The following C1orf21 variants were observed in gnomAD, a reference collection of about 807,000 sequenced individuals.
C1orf21 encodes uncharacterized protein C1orf21.
In C1orf21, 3 loss-of-function variants were observed where a neutral mutation model predicts 18.7. The observed-to-expected ratio is 0.16, with a 90% confidence interval of 0.07 to 0.42. The LOEUF (loss-of-function observed/expected upper bound fraction) is 0.42, where lower values mean the gene tolerates loss of function less well. C1orf21 is among the 10% of genes least tolerant of loss of function. C1orf21 has a pLI of 0.99. For missense variants in C1orf21, 104 were observed against 143.6 expected, an observed-to-expected ratio of 0.72 and a Z score of 1.41; for synonymous variants, 41 against 46.4, an observed-to-expected ratio of 0.88 and a Z score of 0.47.
At chr1:184,474,147 T>C (rs1657535872) in intron 1 of C1orf21, among the ~76,000 whole-genome samples, 1 of 152,216 alleles carries the variant, frequency 6.6e-6, no homozygotes, top group South Asian at 2.1e-4. Context: ...ATATTCCTGA[T>C]GAGGTCCTGA....
chr1:184,485,549 G>A (rs1657720942), intron 2 of C1orf21, among the ~76,000 whole-genome samples: 1 of 152,148 alleles, frequency 6.6e-6, no homozygotes, highest in African/African-American at 2.4e-5. Flanking sequence ...TAAGAGAAAA[G>A]GAGTTTGATG....
At position 184,472,657 on chromosome 1, in the gene C1orf21, A is replaced by AT. The variant is rs529468466; in HGVS notation, c.-124-4721dup. ...TCCTTCCCAATTTTATAAAAGTAGG[A>AT]TTTTTTTTAATGAAACCTTGTTTCT... On this transcript the variant is annotated intron_variant, in intron 1 of 5. Transcript: ENST00000235307. Among the ~76,000 whole-genome samples the AT allele has an allele frequency of 4.3e-4, 65 of 152,050 alleles. 1 individual carries two copies. In the South Asian group the frequency reaches 5.6e-3, roughly 13 times the overall value.
intron 2 of C1orf21, among the ~76,000 whole-genome samples, chr1:184,480,967 A>G (rs193096930): frequency 2.6e-5 from 4 of 152,118 alleles, no homozygotes; most frequent in Admixed American, 2.0e-4. Flanking sequence ...TTAGGTTGCA[A>G]ATTGACTGTT....
At chr1:184,459,199 A>G (rs1040609191) in intron 1 of C1orf21, among the ~76,000 whole-genome samples, 1 of 152,250 alleles carries the variant, frequency 6.6e-6, no homozygotes, top group Non-Finnish European at 1.5e-5. Context: ...AGTGGTCTAT[A>G]GAATAATTTA....
At chr1:184,470,874 T>C (rs1422082301) in intron 1 of C1orf21, among the ~76,000 whole-genome samples, 1 of 147,300 alleles carries the variant, frequency 6.8e-6, no homozygotes, top group Non-Finnish European at 1.5e-5. Context: ...GTAAGACTCT[T>C]TCTCAAAAAA....
chr1:184,496,481 T>G (rs1557986761), intron 2 of C1orf21, among the ~76,000 whole-genome samples: 3 of 152,220 alleles, frequency 2.0e-5, no homozygotes, highest in Non-Finnish European at 4.4e-5. Flanking sequence ...GTGGGAGCGG[T>G]GGAGAGTCAC....
intron 3 of C1orf21, among the ~76,000 whole-genome samples, chr1:184,564,099 A>G (rs2101987186): frequency 6.6e-6 from 1 of 152,344 alleles, no homozygotes; most frequent in South Asian, 2.1e-4. Context: ...GCGCTCTGAC[A>G]TTGGAGATAC....
chr1:184,520,987 G>A (rs1411855822), intron 3 of C1orf21, among the ~76,000 whole-genome samples: 3 of 152,160 alleles, frequency 2.0e-5, no homozygotes, highest in African/African-American at 2.4e-5. Flanking sequence ...TCCGCCTCCC[G>A]GGTTCAAATG....
intron 3 of C1orf21, among the ~76,000 whole-genome samples, chr1:184,530,401 G>T (rs1349030181): frequency 6.6e-6 from 1 of 152,084 alleles, no homozygotes; most frequent in Non-Finnish European, 1.5e-5. Flanking sequence ...TAGCTTTGAT[G>T]ATGACAATGA....
In C1orf21 at chr1:184,438,670, T is replaced by G. The variant is rs1203452521; in HGVS notation, c.-124-38716T>G. 2.0e-5 allele frequency among the ~76,000 whole-genome samples: 3 copies of G among 152,192 alleles called. No individual in the cohort carries two copies. In the East Asian group the frequency reaches 5.8e-4, roughly 29 times the overall value. On this transcript the variant is annotated intron_variant, in intron 1 of 5. Transcript: ENST00000235307. ...CTGAAAATCCATCGGCAGGTAGCTC[T>G]GCTGATAGATCGCCTTCCTCACTAG...
At chr1:184,562,218 A>G (rs1485527867) in intron 3 of C1orf21, among the ~76,000 whole-genome samples, 1 of 152,214 alleles carries the variant, frequency 6.6e-6, no homozygotes, top group Non-Finnish European at 1.5e-5. Context: ...AGATCTTCTA[A>G]TCATAAGCAA....
intron 3 of C1orf21, among the ~76,000 whole-genome samples, chr1:184,589,643 A>G (rs1659410008): frequency 1.3e-5 from 2 of 152,360 alleles, no homozygotes; most frequent in East Asian, 3.9e-4. Flanking sequence ...GAAACTTATG[A>G]TTGTTTCTTT....
At chr1:184,506,224 G>T (rs1335694895) in intron 2 of C1orf21, among the ~76,000 whole-genome samples, 3 of 152,100 alleles carry the variant, frequency 2.0e-5, no homozygotes, top group Non-Finnish European at 4.4e-5. Context: ...AAAACAGTTG[G>T]CTTAGTGAAC....
chr1:184,519,617 T>C (rs1419176866), intron 3 of C1orf21, among the ~76,000 whole-genome samples: 1 of 152,140 alleles, frequency 6.6e-6, no homozygotes, highest in African/African-American at 2.4e-5. Flanking sequence ...AATAACACAG[T>C]GGTGTTACTT....
chr1:184,561,745 G>A (rs1251314601), intron 3 of C1orf21, among the ~76,000 whole-genome samples: 1 of 152,090 alleles, frequency 6.6e-6, no homozygotes, highest in African/African-American at 2.4e-5. Flanking sequence ...AGCCTCCCAA[G>A]TAGGCGGGAT....
chr1:184,534,198 C>G (rs1658512579), intron 3 of C1orf21, among the ~76,000 whole-genome samples: 1 of 152,164 alleles, frequency 6.6e-6, no homozygotes, highest in Non-Finnish European at 1.5e-5. Context: ...GCCTCACACA[C>G]TGTGAGGTCG....
intron 1 of C1orf21, among the ~76,000 whole-genome samples, chr1:184,415,778 G>A (rs1463770370): frequency 3.9e-5 from 6 of 152,142 alleles, no homozygotes; most frequent in Non-Finnish European, 8.8e-5. Context: ...TGACTTGAAT[G>A]TGCAAATCGA....
chr1:184,601,861 A>T (rs1026006037), intron 5 of C1orf21, among the ~76,000 whole-genome samples: 24 of 152,046 alleles, frequency 1.6e-4, no homozygotes, highest in Non-Finnish European at 3.2e-4. Context: ...AGATCCTGCC[A>T]CTGCACTCCA....
intron 1 of C1orf21, among the ~76,000 whole-genome samples, chr1:184,388,934 A>T (rs1218756083): frequency 6.6e-6 from 1 of 152,100 alleles, no homozygotes; most frequent in South Asian, 2.1e-4. Flanking sequence ...GGATTGTAGG[A>T]TCAATAGAAC....
Sources: gnomAD v4.1 joint callset for allele counts (sites outside exome capture counted in the v4.1 genomes callset) on GRCh38, gnomAD v4.1.1 for gene constraint, MANE v1.5 for transcripts, NCBI Gene and HGNC (gene_info 2026-07-23, HGNC 2026-07-21) for gene names.